Variants in THNSL1 observed in about 807,000 individuals in gnomAD.
THNSL1 encodes threonine synthase like 1.
THNSL1 carries 48 observed loss-of-function variants against 50.4 expected under a neutral mutation model. The observed-to-expected ratio is 0.95, with a 90% CI of 0.76 to 1.21. The LOEUF is 1.21. Ranked by LOEUF, THNSL1 falls within the 50% of genes most tolerant of loss-of-function variation. The pLI is 0.00. For missense variants in THNSL1, 896 were observed against 871.7 expected, an observed-to-expected ratio of 1.03 and a Z score of -0.35; for synonymous variants, 309 against 306.1, an observed-to-expected ratio of 1.01 and a Z score of -0.10.
chr10:24,984,245 A>G, the THNSL1 span: 1 of 1,103,490 alleles, frequency 9.1e-7, no homozygotes. Flanking sequence ...CCACAGGAAA[A>G]TACATCTTTT....
At chr10:25,005,422 T>C in the THNSL1 span, among the ~76,000 whole-genome samples, 1 of 152,200 alleles carries the variant, frequency 6.6e-6, no homozygotes, top group South Asian at 2.1e-4. Context: ...GGAAATGATA[T>C]TACTCAAAAA....
the THNSL1 span, among the ~76,000 whole-genome samples, chr10:24,973,311 A>G: frequency 1.3e-5 from 2 of 151,916 alleles, no homozygotes; most frequent in Non-Finnish European, 2.9e-5. Flanking sequence ...AGCCTCGTCG[A>G]CTAAGTGAGA....
the THNSL1 span, among the ~76,000 whole-genome samples, chr10:25,004,634 GT>G: frequency 1.3e-5 from 2 of 152,080 alleles, no homozygotes; most frequent in East Asian, 1.9e-4. Context: ...TTGTAAATTT[GT>G]TTAAGTTTCT....
At chr10:24,987,009 C>T in the THNSL1 span, among the ~76,000 whole-genome samples, 1 of 152,116 alleles carries the variant, frequency 6.6e-6, no homozygotes, top group Non-Finnish European at 1.5e-5. Flanking sequence ...GCACCCTCGC[C>T]CACCCCCAAA....
At chr10:25,010,593 C>T in the THNSL1 span, among the ~76,000 whole-genome samples, 93 of 151,384 alleles carry the variant, frequency 6.1e-4, no homozygotes, top group Non-Finnish European at 1.2e-3. Context: ...ATCCCTCCCC[C>T]CTACCCCCAC....
the THNSL1 span, among the ~76,000 whole-genome samples, chr10:24,988,700 A>ATG: frequency 2.0e-4 from 7 of 34,488 alleles, no homozygotes; most frequent in African/African-American, 7.9e-4. Flanking sequence ...ATATATATAT[A>ATG]TATATATATA....
chr10:25,020,968 T>G (rs540281007), intron 1 of THNSL1, among the ~76,000 whole-genome samples: 1 of 152,308 alleles, frequency 6.6e-6, no homozygotes, highest in East Asian at 1.9e-4. Context: ...TTTAATAAAA[T>G]AAATTGATGT....
chr10:24,967,678 TA>T, the THNSL1 span, among the ~76,000 whole-genome samples: 1 of 150,932 alleles, frequency 6.6e-6, no homozygotes, highest in Admixed American at 6.6e-5. Flanking sequence ...GATGTGTGTG[TA>T]TGATGTGTCC....
At chr10:25,015,923 C>A (rs77256682), upstream of THNSL1, 623 of 1,607,698 alleles carry the variant, frequency 3.9e-4, 13 homozygotes, top group East Asian at 0.014. Context: ...CTCAGAAGAG[C>A]ACGTTGGATC....
the THNSL1 span, among the ~76,000 whole-genome samples, chr10:25,003,158 T>TTTAA: frequency 2.9e-3 from 416 of 142,392 alleles, 1 homozygote; most frequent in Admixed American, 5.1e-3. Flanking sequence ...TCAGTGTTTC[T>TTTAA]TTAATTAATT....
At chr10:24,957,350 G>T in the THNSL1 span, among the ~76,000 whole-genome samples, 1 of 152,024 alleles carries the variant, frequency 6.6e-6, no homozygotes, top group Non-Finnish European at 1.5e-5. Context: ...TTTTTGTTGA[G>T]GTCTTATCCA....
chr10:24,965,453 G>T, the THNSL1 span, among the ~76,000 whole-genome samples: 1 of 152,166 alleles, frequency 6.6e-6, no homozygotes, highest in Admixed American at 6.5e-5. Context: ...GCAAACCTCT[G>T]CAGAGTTTTC....
the THNSL1 span, among the ~76,000 whole-genome samples, chr10:24,990,173 T>C: frequency 1.3e-5 from 2 of 152,228 alleles, no homozygotes; most frequent in Non-Finnish European, 2.9e-5. Context: ...ATTTGCTTCA[T>C]TTCATGCATG....
the THNSL1 span, among the ~76,000 whole-genome samples, chr10:24,991,254 T>C: frequency 6.6e-6 from 1 of 152,028 alleles, no homozygotes. Flanking sequence ...GAATAAGATA[T>C]TCAAGAGTTG....
At chr10:25,006,580 C>T in the THNSL1 span, among the ~76,000 whole-genome samples, 2 of 152,198 alleles carry the variant, frequency 1.3e-5, no homozygotes, top group African/African-American at 4.8e-5. Flanking sequence ...TGTAGGTCCT[C>T]ATTTGTAGCT....
the THNSL1 span, among the ~76,000 whole-genome samples, chr10:24,988,905 C>T: frequency 2.6e-5 from 4 of 151,642 alleles, no homozygotes; most frequent in Non-Finnish European, 5.9e-5. Flanking sequence ...GCTCAGGGCT[C>T]GTCAGGAGGC....
chr10:25,020,300 A>G (rs1002917087), intron 1 of THNSL1, among the ~76,000 whole-genome samples: 1 of 144,208 alleles, frequency 6.9e-6, no homozygotes, highest in African/African-American at 2.5e-5. Context: ...CAAAGTCTTG[A>G]AAAAGGGAAG....
chr10:24,982,203 G>A, the THNSL1 span: 2 of 152,250 alleles, frequency 1.3e-5, no homozygotes, highest in Non-Finnish European at 2.9e-5. Flanking sequence ...AATCAAAGGG[G>A]ATTGTCATGG....
At chr10:24,983,155 C>A in the THNSL1 span, 1 of 152,134 alleles carries the variant, frequency 6.6e-6, no homozygotes, top group Admixed American at 6.5e-5. Flanking sequence ...ATACCCCTAC[C>A]CTTAGTCACA....
Sources: allele counts gnomAD v4.1 joint callset (sites outside exome capture counted in the v4.1 genomes callset), GRCh38; gene constraint gnomAD v4.1.1; transcripts MANE v1.5; gene names NCBI Gene and HGNC (gene_info 2026-07-23, HGNC 2026-07-21).